ZNF117: variants seen among roughly 807,000 people sequenced by gnomAD.
ZNF117 encodes Krueppel-related zinc finger protein.
Under a neutral mutation model 41.2 loss-of-function variants are expected in ZNF117, and 37 were observed. The ratio of observed to expected loss-of-function variants is 0.90; its 90% CI spans 0.69 to 1.18. The LOEUF (loss-of-function observed/expected upper bound fraction) is 1.18, where lower values mean the gene tolerates loss of function less well. ZNF117 is among the 50% of genes most tolerant of loss of function. The pLI, the probability that ZNF117 is intolerant of heterozygous loss-of-function variation, is 0.00. For synonymous variants in ZNF117, 186 were observed against 186.6 expected (o/e 1.00, Z 0.02); for missense variants, 546 against 557.5 (o/e 0.98, Z 0.21).
upstream of ZNF117, among the ~76,000 whole-genome samples, chr7:64,985,156 A>G (rs1377944874): frequency 6.6e-6 from 1 of 152,236 alleles, no homozygotes; most frequent in Non-Finnish European, 1.5e-5. Flanking sequence ...TATTCACACT[A>G]GTATATAAAA....
exon 1 of ZNF117, chr7:64,990,342 G>C (rs951943588): frequency 2.4e-5 from 4 of 163,890 alleles, no homozygotes; most frequent in Non-Finnish European, 5.3e-5. Context: ...GAATCAGGAG[G>C]CCGGAGAGAT....
At chr7:64,979,624 T>A in intron 2 of ZNF117, 88 bp from the exon 4 acceptor site, 1 of 1,068,994 alleles carries the variant, frequency 9.4e-7, no homozygotes, top group Non-Finnish European at 1.3e-6. Flanking sequence ...TTACAGAAAC[T>A]ACATAAGCAA....
intron 2 of ZNF117, 69 bp from the exon 4 acceptor site, chr7:64,979,605 C>A: frequency 8.0e-7 from 1 of 1,243,758 alleles, no homozygotes; most frequent in Non-Finnish European, 1.1e-6. Context: ...ACAAATCTAA[C>A]CCATAAAGTT....
downstream of ZNF117, chr7:64,973,585 C>A (rs568270868): frequency 7.2e-5 from 11 of 151,974 alleles, no homozygotes; most frequent in African/African-American, 2.7e-4. Context: ...TAAGTACTCT[C>A]CAATAAAAAG....
chr7:64,978,779 A>G (rs747483670), exon 3 of ZNF117: 2 of 1,613,370 alleles, frequency 1.2e-6, no homozygotes, highest in South Asian at 1.1e-5. Context: ...TATGTTCAGT[A>G]AGTTTTGAGG....
At chr7:64,977,755 T>C in exon 3 of ZNF117, 7 of 898,568 alleles carry the variant, frequency 7.8e-6, no homozygotes, top group South Asian at 1.3e-5. Flanking sequence ...CCAGTATGAA[T>C]TATTTTATGT....
rs80090616 is a variant in ZNF117 at position 64,979,822 on chromosome 7, G to A, written c.35-286C>T. On this transcript the variant is annotated intron_variant, in intron 2 of 2. Transcript: ENST00000620222. ...AAGTTGGTTACATTTACCCAACACAGCTCTTTCTGCTCCTCAGTATAACAT... is the reference window on the plus strand; with the variant it reads ...AAGTTGGTTACATTTACCCAACACAACTCTTTCTGCTCCTCAGTATAACAT... The A allele has an allele frequency of 5.7e-3, 1,249 of 217,814 alleles. 12 individuals carry two copies. The highest frequency in any genetic ancestry group is 0.024 in the African/African-American group (1,062 of 44,176). 13.5% of individuals were successfully genotyped at this position (217,814 alleles called of 1,614,324 possible).
intron 2 of ZNF117, chr7:64,980,712 G>A (rs892940182): frequency 2.0e-5 from 3 of 151,416 alleles, no homozygotes; most frequent in African/African-American, 7.3e-5. Flanking sequence ...GTCTTATGAG[G>A]TAATGAGTGA....
At chr7:64,984,948 G>T (rs1266176256), upstream of ZNF117, among the ~76,000 whole-genome samples, 1 of 152,010 alleles carries the variant, frequency 6.6e-6, no homozygotes, top group East Asian at 1.9e-4. Flanking sequence ...GCGCCACCAC[G>T]CCCGGCTAAT....
chr7:64,981,667 C>A (rs1786035712), intron 1 of ZNF117, among the ~76,000 whole-genome samples, 185 bp from the exon 3 acceptor site: 1 of 151,936 alleles, frequency 6.6e-6, no homozygotes, highest in African/African-American at 2.4e-5. Context: ...AATTTCACTA[C>A]CTGGTACTAC....
upstream of ZNF117, among the ~76,000 whole-genome samples, chr7:64,985,826 G>A (rs185180658): frequency 1.1e-4 from 16 of 151,782 alleles, no homozygotes; most frequent in Non-Finnish European, 2.1e-4. Flanking sequence ...CAGGTGTGGT[G>A]GTGTGTGCCT....
chr7:64,974,252 T>C (rs1785831698), downstream of ZNF117: 1 of 151,780 alleles, frequency 6.6e-6, no homozygotes, highest in African/African-American at 2.4e-5. Context: ...ATCATTCTTA[T>C]AATCCATGAA....
chr7:64,981,008 A>G lies in ZNF117; in HGVS notation c.34+379T>C, dbSNP rs1045591318. The G allele has an allele frequency of 7.2e-5, 16 of 221,426 alleles. No individual in the cohort carries two copies. In the Admixed American group the frequency reaches 8.3e-4, roughly 11 times the overall value. 13.7% of individuals were successfully genotyped at this position (221,426 alleles called of 1,614,324 possible). On this transcript the variant is annotated intron_variant, in intron 2 of 2. Transcript: ENST00000620222. ...CAATGGAACAGAAATCACTACTCAC[A>G]CATTTCAGACTTGATGCAAAAAGAG... is the stretch of plus-strand genomic sequence containing the variant.
downstream of ZNF117, chr7:64,973,363 ATGTATTTTCTAGCAAATTTTATATT>A (rs1283942839): frequency 2.0e-5 from 3 of 152,002 alleles, no homozygotes; most frequent in East Asian, 5.8e-4. Context: ...AATTTCTAAG[ATGTATTTTCTAGCAAATTTTATATT>A]TGCCACAATA....
intron 1 of ZNF117, among the ~76,000 whole-genome samples, chr7:64,989,194 T>C (rs1294052549): frequency 6.7e-6 from 1 of 150,100 alleles, no homozygotes; most frequent in Non-Finnish European, 1.5e-5. Context: ...CACACACATA[T>C]ATATAAACGA....
At chr7:64,985,908 G>A (rs947811836), upstream of ZNF117, among the ~76,000 whole-genome samples, 1 of 123,040 alleles carries the variant, frequency 8.1e-6, no homozygotes, top group South Asian at 2.5e-4. Flanking sequence ...GCCAGATCAT[G>A]CCATTGCACT....
At chr7:64,978,595 T>C (rs768613026) in exon 3 of ZNF117, 1 of 1,612,510 alleles carries the variant, frequency 6.2e-7, no homozygotes, top group Non-Finnish European at 8.5e-7. Context: ...CCAGTATGAA[T>C]TTTTTTATGG....
In ZNF117 at chr7:64,988,563, C is replaced by T. The variant is rs192291708; in HGVS notation, c.-196+1384G>A. 3.6e-4 allele frequency among the ~76,000 whole-genome samples: 55 copies of T among 152,246 alleles called. No individual in the cohort carries two copies. In the East Asian group the frequency reaches 7.7e-3, roughly 21 times the overall value. On this transcript the variant is annotated intron_variant, in intron 1 of 3. Coordinates refer to the ZNF117 transcript ENST00000282869. ...CACAAGACAAGGATGTTTTCTCTCA[C>T]CACTCCTATTCAACATAGAATTGGC...
chr7:64,988,356 A>C lies in ZNF117; in HGVS notation c.-196+1591T>G, dbSNP rs541590523. 5.9e-5 allele frequency among the ~76,000 whole-genome samples: 9 copies of C among 152,326 alleles called. No individual in the cohort carries two copies. The South Asian group carries it at 1.7e-3, about 28-fold the overall frequency. On this transcript the variant is annotated intron_variant, in intron 1 of 3. Coordinates refer to the ZNF117 transcript ENST00000282869. The stretch of plus-strand genomic sequence containing the variant: ...AAAAACAAAAATAAGGATAAAAACC[A>C]CCAGATTATCTCAATAGATGCAGAA...
Sources: allele counts gnomAD v4.1 joint callset (sites outside exome capture counted in the v4.1 genomes callset), GRCh38; gene constraint gnomAD v4.1.1; transcripts MANE v1.5; gene names NCBI Gene and HGNC (gene_info 2026-07-23, HGNC 2026-07-21).